INPP4B: variants seen among roughly 807,000 people sequenced by gnomAD.
INPP4B encodes inositol polyphosphate-4-phosphatase type II B.
INPP4B carries 55 observed loss-of-function variants against 122.5 expected under a neutral mutation model. The observed-to-expected ratio is 0.45, with a 90% CI of 0.36 to 0.56. INPP4B has a LOEUF of 0.56. Ranked by LOEUF, INPP4B falls within the 20% of genes least tolerant of loss-of-function variation. The probability of loss-of-function intolerance (pLI) is 0.00; values close to 1 mark genes in which losing one functional copy is unlikely to be tolerated. For synonymous variants in INPP4B, 403 were observed against 388.7 expected, an observed-to-expected ratio of 1.04 and a Z score of -0.43; for missense variants, 1,000 against 1,097.7, an observed-to-expected ratio of 0.91 and a Z score of 1.26.
intron 2 of INPP4B, among the ~76,000 whole-genome samples, chr4:142,549,618 C>T (rs569914336): frequency 2.0e-5 from 3 of 152,208 alleles, no homozygotes; most frequent in Admixed American, 6.5e-5. Context: ...ATAAGTACAA[C>T]GAAAGGGGCA....
chr4:142,426,308 AGTTTTT>A (rs1445655611), intron 5 of INPP4B, among the ~76,000 whole-genome samples: 4 of 152,002 alleles, frequency 2.6e-5, no homozygotes, highest in Non-Finnish European at 5.9e-5. Flanking sequence ...AAATGTTCTT[AGTTTTT>A]AAGAAATGAT....
intron 2 of INPP4B, among the ~76,000 whole-genome samples, chr4:142,557,065 C>T (rs1729361140): frequency 6.6e-6 from 1 of 152,128 alleles, no homozygotes; most frequent in South Asian, 2.1e-4. Context: ...TTTCACACAG[C>T]TGCACCTAAG....
intron 2 of INPP4B, among the ~76,000 whole-genome samples, chr4:142,661,396 A>G (rs1755145173): frequency 6.6e-6 from 1 of 152,254 alleles, no homozygotes; most frequent in Non-Finnish European, 1.5e-5. Flanking sequence ...GCACAAGAAG[A>G]AATGAGCTTA....
chr4:142,466,686 T>C (rs1361015367), intron 2 of INPP4B, among the ~76,000 whole-genome samples: 1 of 152,090 alleles, frequency 6.6e-6, no homozygotes, highest in Non-Finnish European at 1.5e-5. Context: ...AAATATCTAA[T>C]ACAATGGGAA....
chr4:142,260,548 T>C lies in INPP4B; in HGVS notation c.632A>G (p.Glu211Gly). 6.2e-7 allele frequency: 1 copy of C among 1,601,212 alleles called. No individual in the cohort carries two copies. The highest frequency in any genetic ancestry group is 8.5e-7 in the Non-Finnish European group (1 of 1,173,022). The change falls in exon 11 of 26, where the codon GAA becomes GGA. Residue 211 changes from glutamate (E) to glycine (G), a missense_variant. By Grantham distance (98) the Glu-to-Gly change is moderately conservative. Transcript: ENST00000262992. ...GCTCACACTTTCCGGGGCTGTACAT[T>C]CACATACCAGGGCACACTAGGAAAA... ...VQGQKCALVC[E>G]CTAPESVSGK...
At chr4:142,833,179 T>A (rs1782379469) in intron 1 of INPP4B, among the ~76,000 whole-genome samples, 2 of 152,102 alleles carry the variant, frequency 1.3e-5, no homozygotes, top group African/African-American at 4.8e-5. Flanking sequence ...TGAATAGACA[T>A]AGTTTGTTTA....
intron 2 of INPP4B, among the ~76,000 whole-genome samples, chr4:142,658,941 G>T (rs1319536384): frequency 6.6e-6 from 1 of 152,136 alleles, no homozygotes; most frequent in Non-Finnish European, 1.5e-5. Flanking sequence ...GGCTTTAAAA[G>T]TTCTTATCTG....
chr4:142,620,219 C>T (rs1328669459), intron 2 of INPP4B, among the ~76,000 whole-genome samples: 1 of 151,956 alleles, frequency 6.6e-6, no homozygotes, highest in African/African-American at 2.4e-5. Context: ...TTCATTACCA[C>T]ACTAATCACA....
intron 2 of INPP4B, among the ~76,000 whole-genome samples, chr4:142,505,195 T>G (rs1032463362): frequency 6.6e-6 from 1 of 151,014 alleles, no homozygotes; most frequent in East Asian, 1.9e-4. Flanking sequence ...GCCATGATTG[T>G]GTCACTGAAC....
chr4:142,763,100 G>T (rs190787511), intron 1 of INPP4B, among the ~76,000 whole-genome samples: 1 of 152,128 alleles, frequency 6.6e-6, no homozygotes, highest in East Asian at 1.9e-4. Context: ...CCAGCATAAG[G>T]TATTCTGTTA....
At chr4:142,228,944 T>G (rs1852852302) in intron 12 of INPP4B, among the ~76,000 whole-genome samples, 1 of 151,544 alleles carries the variant, frequency 6.6e-6, no homozygotes, top group Non-Finnish European at 1.5e-5. Flanking sequence ...TAAAAAGTAA[T>G]AAGAGTTTAA....
chr4:142,530,852 C>T (rs1453411692), intron 2 of INPP4B, among the ~76,000 whole-genome samples: 1 of 151,784 alleles, frequency 6.6e-6, no homozygotes, highest in Non-Finnish European at 1.5e-5. Flanking sequence ...CCAGTGTGGG[C>T]TAGGGAGCAG....
intron 21 of INPP4B, among the ~76,000 whole-genome samples, chr4:142,119,555 C>T (rs982298404): frequency 7.0e-6 from 1 of 141,966 alleles, no homozygotes; most frequent in African/African-American, 2.7e-5. Flanking sequence ...GACAGAAAAC[C>T]AAACACTGCA....
At chr4:142,470,174 C>G (rs901924161) in intron 2 of INPP4B, among the ~76,000 whole-genome samples, 1 of 151,282 alleles carries the variant, frequency 6.6e-6, no homozygotes, top group Non-Finnish European at 1.5e-5. Flanking sequence ...TAAAAACTTC[C>G]CTAGTTTAAA....
At chr4:142,306,637 C>T (rs550570091) in intron 8 of INPP4B, among the ~76,000 whole-genome samples, 4 of 152,290 alleles carry the variant, frequency 2.6e-5, no homozygotes, top group South Asian at 2.1e-4. Flanking sequence ...AGCTTCAAGT[C>T]GGAATTTTTC....
chr4:142,211,898 T>A (rs1177087909), intron 12 of INPP4B, among the ~76,000 whole-genome samples: 1 of 152,150 alleles, frequency 6.6e-6, no homozygotes, highest in Non-Finnish European at 1.5e-5. Flanking sequence ...CAGTTGCTAC[T>A]GGGGATATGC....
chr4:142,430,277 G>T (rs1311643667), intron 4 of INPP4B, among the ~76,000 whole-genome samples: 1 of 152,034 alleles, frequency 6.6e-6, no homozygotes, highest in Non-Finnish European at 1.5e-5. Flanking sequence ...TTTTTCAAGA[G>T]AGGTTAAAGT....
chr4:142,079,979 A>T (rs1311020742), intron 25 of INPP4B, among the ~76,000 whole-genome samples: 1 of 152,112 alleles, frequency 6.6e-6, no homozygotes, highest in Non-Finnish European at 1.5e-5. Flanking sequence ...TAATTTTTTT[A>T]ACCAACATTA....
chr4:142,179,562 G>GAAAAATGATGTTAATAGGAAA (rs1553998359), intron 15 of INPP4B, among the ~76,000 whole-genome samples: 3 of 30,078 alleles, frequency 1.0e-4, no homozygotes, highest in African/African-American at 1.9e-4. Flanking sequence ...TTAGCTCTGT[G>GAAAAATGATGTTAATAGGAAA]AAAAAAAAAA....
Sources: gnomAD v4.1 joint callset for allele counts (sites outside exome capture counted in the v4.1 genomes callset) on GRCh38, gnomAD v4.1.1 for gene constraint, MANE v1.5 for transcripts, NCBI Gene and HGNC (gene_info 2026-07-23, HGNC 2026-07-21) for gene names.